The following ZBTB7C variants were observed in gnomAD, a reference collection of about 807,000 sequenced individuals.
ZBTB7C encodes zinc finger and BTB domain containing 7C, also known as zinc finger and BTB domain-containing protein 7C.
ZBTB7C carries 8 observed loss-of-function variants against 25.7 expected under a neutral mutation model. The observed-to-expected ratio is 0.31, with a 90% CI of 0.18 to 0.56. ZBTB7C has a LOEUF of 0.56. Ranked by LOEUF, ZBTB7C falls within the 20% of genes least tolerant of loss-of-function variation. The pLI, the probability that ZBTB7C is intolerant of heterozygous loss-of-function variation, is 0.91. For missense variants in ZBTB7C, 824 were observed against 855.2 expected (o/e 0.96, Z 0.46); for synonymous variants, 394 against 369.0 (o/e 1.07, Z -0.78).
At chr18:48,236,433 C>T (rs1253906975) in intron 2 of ZBTB7C, among the ~76,000 whole-genome samples, 2 of 152,182 alleles carry the variant, frequency 1.3e-5, no homozygotes, top group African/African-American at 2.4e-5. Context: ...CCTAGGGAAA[C>T]GGATAAACTT....
At chr18:48,215,608 G>A (rs941969867) in intron 2 of ZBTB7C, among the ~76,000 whole-genome samples, 1 of 152,190 alleles carries the variant, frequency 6.6e-6, no homozygotes, top group African/African-American at 2.4e-5. Flanking sequence ...TCTGGGTTAA[G>A]GTAAGGGGCT....
Position 48,098,794 on chromosome 18 carries a change from G to A in ZBTB7C, c.-16-57671C>T, listed in dbSNP as rs571388394. 6.6e-5 allele frequency among the ~76,000 whole-genome samples: 10 copies of A among 152,300 alleles called. 1 individual carries two copies. In the South Asian group the frequency reaches 1.9e-3, roughly 28 times the overall value. On this transcript the variant is annotated intron_variant, in intron 3 of 4. Coordinates refer to ENST00000590800, the MANE Select transcript of ZBTB7C (RefSeq NM_001318841.2). ...AGGCTCAAGCACAGCTAATCCTAAG[G>A]TTTGACCTTACACAACCAGCAAGAG...
At chr18:48,099,314 C>G (rs1034907264) in intron 3 of ZBTB7C, among the ~76,000 whole-genome samples, 1 of 152,202 alleles carries the variant, frequency 6.6e-6, no homozygotes, top group Non-Finnish European at 1.5e-5. Flanking sequence ...CGCATGTTGT[C>G]TCATCTTTCA....
chr18:48,077,498 A>G (rs1468316069), intron 3 of ZBTB7C, among the ~76,000 whole-genome samples: 1 of 152,236 alleles, frequency 6.6e-6, no homozygotes, highest in Non-Finnish European at 1.5e-5. Flanking sequence ...CACCCTATCC[A>G]ACTTGGCGAG....
At chr18:48,277,858 C>A (rs992644093) in intron 2 of ZBTB7C, among the ~76,000 whole-genome samples, 4 of 151,796 alleles carry the variant, frequency 2.6e-5, no homozygotes, top group African/African-American at 9.7e-5. Flanking sequence ...TTAAATCGAC[C>A]CCCTTCCTTT....
At chr18:48,399,862 G>C (rs1256111349) in intron 1 of ZBTB7C, among the ~76,000 whole-genome samples, 1 of 152,104 alleles carries the variant, frequency 6.6e-6, no homozygotes, top group African/African-American at 2.4e-5. Flanking sequence ...AATACATTTG[G>C]GGACACACCC....
At chr18:48,227,882 A>G (rs2043146061) in intron 2 of ZBTB7C, among the ~76,000 whole-genome samples, 2 of 152,168 alleles carry the variant, frequency 1.3e-5, no homozygotes, top group South Asian at 4.1e-4. Flanking sequence ...AGAGGGCAGG[A>G]GTTTGGGTGA....
chr18:48,146,834 A>G (rs1222050583), intron 3 of ZBTB7C, among the ~76,000 whole-genome samples: 1 of 152,206 alleles, frequency 6.6e-6, no homozygotes, highest in Non-Finnish European at 1.5e-5. Context: ...AATTTTGGTT[A>G]TTGTTTAAAA....
chr18:48,388,790 TCA>T (rs2047810371), intron 1 of ZBTB7C, among the ~76,000 whole-genome samples: 1 of 152,198 alleles, frequency 6.6e-6, no homozygotes, highest in South Asian at 2.1e-4. Flanking sequence ...AACACTAGTA[TCA>T]CAGAAGTTGG....
At chr18:48,075,852 T>A (rs919656498) in intron 3 of ZBTB7C, among the ~76,000 whole-genome samples, 1 of 152,196 alleles carries the variant, frequency 6.6e-6, no homozygotes, top group African/African-American at 2.4e-5. Context: ...GAAACACCAG[T>A]TGAAGATGCC....
chr18:48,368,806 A>AAAGAGAAGAATTATCCACCCAT (rs57505551), intron 1 of ZBTB7C, among the ~76,000 whole-genome samples: 1 of 151,970 alleles, frequency 6.6e-6, no homozygotes, highest in African/African-American at 2.4e-5. Context: ...GTGTGAAAAG[A>AAAGAGAAGAATTATCCACCCAT]AATCCTATTT....
intron 4 of ZBTB7C, among the ~76,000 whole-genome samples, chr18:48,038,577 A>G (rs936786787): frequency 6.7e-6 from 1 of 148,210 alleles, no homozygotes; most frequent in African/African-American, 2.5e-5. Flanking sequence ...CTGGAAAAGC[A>G]TAGTCCCTGA....
intron 2 of ZBTB7C, among the ~76,000 whole-genome samples, chr18:48,235,809 T>C (rs1027936313): frequency 4.6e-5 from 7 of 152,328 alleles, no homozygotes; most frequent in African/African-American, 1.4e-4. Flanking sequence ...TTTTCCAGTT[T>C]TGTTGTCCTT....
At chr18:48,211,024 G>T (rs2042691208) in intron 2 of ZBTB7C, among the ~76,000 whole-genome samples, 1 of 152,060 alleles carries the variant, frequency 6.6e-6, no homozygotes, top group Non-Finnish European at 1.5e-5. Context: ...AGACAGTTTA[G>T]GAATAAACCC....
intron 2 of ZBTB7C, among the ~76,000 whole-genome samples, chr18:48,281,107 G>C (rs907302005): frequency 2.6e-5 from 4 of 152,030 alleles, no homozygotes; most frequent in African/African-American, 7.2e-5. Context: ...ACCCATCTCA[G>C]CCTCCCAAAG....
At chr18:48,381,314 A>T (rs2047629510) in intron 1 of ZBTB7C, among the ~76,000 whole-genome samples, 2 of 152,230 alleles carry the variant, frequency 1.3e-5, no homozygotes, top group African/African-American at 4.8e-5. Flanking sequence ...CACCAGGCAC[A>T]GGTATCAATC....
intron 3 of ZBTB7C, among the ~76,000 whole-genome samples, chr18:48,120,998 G>A (rs1264018966): frequency 2.0e-5 from 3 of 152,216 alleles, no homozygotes; most frequent in Admixed American, 1.3e-4. Flanking sequence ...AGGAGTCTCT[G>A]CCAGGACTCC....
intron 3 of ZBTB7C, among the ~76,000 whole-genome samples, chr18:48,180,112 T>C (rs201381008): frequency 3.8e-5 from 2 of 52,086 alleles, no homozygotes; most frequent in Non-Finnish European, 6.9e-5. Flanking sequence ...CCTTCCTTCC[T>C]TTCCTTCCTT....
chr18:48,411,992 A>G (rs1300707868), upstream of ZBTB7C, among the ~76,000 whole-genome samples: 1 of 152,260 alleles, frequency 6.6e-6, no homozygotes, highest in African/African-American at 2.4e-5. Flanking sequence ...GCCAAACTTT[A>G]ACAGTTATCA....
Sources: gnomAD v4.1 joint callset for allele counts (sites outside exome capture counted in the v4.1 genomes callset) on GRCh38, gnomAD v4.1.1 for gene constraint, MANE v1.5 for transcripts, NCBI Gene and HGNC (gene_info 2026-07-23, HGNC 2026-07-21) for gene names.